Variants in TRAF6 observed in about 807,000 individuals in gnomAD.
TRAF6 encodes the protein TNF receptor-associated factor 6.
In TRAF6, 10 loss-of-function variants were observed where a neutral mutation model predicts 48.4. The observed-to-expected ratio is 0.21, with a 90% CI of 0.13 to 0.35. The LOEUF is 0.35. Among genes scored for constraint, TRAF6 ranks in the 10% least tolerant of loss-of-function variants. The probability of loss-of-function intolerance (pLI) is 1.00; values close to 1 mark genes in which losing one functional copy is unlikely to be tolerated. For synonymous variants in TRAF6, 186 were observed against 219.6 expected, an observed-to-expected ratio of 0.85 and a Z score of 1.35; for missense variants, 397 against 661.0, an observed-to-expected ratio of 0.60 and a Z score of 4.38.
chr11:36,490,143 G>T lies in TRAF6; in HGVS notation c.1264C>A (p.Leu422Ile), dbSNP rs1413660417. 6.2e-7 allele frequency: 1 copy of T among 1,614,066 alleles called. No homozygotes were observed. The highest frequency in any genetic ancestry group is 1.3e-5 in the African/African-American group (1 of 74,920). ...ATTGTACCCTGGAAGGGCCAAGGGAGGTGGCTGTCATATTCTCCTTGCATT... is the reference window on the plus strand; with the variant it reads ...ATTGTACCCTGGAAGGGCCAAGGGATGTGGCTGTCATATTCTCCTTGCATT... ...HTMQGEYDSHLPWPFQGTIRL... is the reference protein window; with the variant it reads ...HTMQGEYDSHIPWPFQGTIRL... Residue 422 changes from leucine (L) to isoleucine (I), a missense_variant, in exon 7 of 7, where the codon CTC (leucine) becomes ATC (isoleucine). Leu to Ile is a conservative substitution (Grantham distance 5). This residue lies in a region of TRAF6 where 74 missense variants were observed against 198.9 expected (regional missense o/e 0.37). Coordinates refer to ENST00000526995, the MANE Select transcript of TRAF6 (RefSeq NM_004620.4). This position sits in a 1 kb window ranked among gnomAD's most constrained non-coding sequence, Gnocchi z 6.4.
intron 5 of TRAF6, among the ~76,000 whole-genome samples, chr11:36,493,086 ATCT>A (rs1233283672): frequency 1.3e-5 from 2 of 152,118 alleles, no homozygotes; most frequent in Non-Finnish European, 2.9e-5. Context: ...CCTTTCAACA[ATCT>A]TCTTAACTTT....
intron 1 of TRAF6, among the ~76,000 whole-genome samples, chr11:36,503,912 AAAGC>A (rs534735359): frequency 2.0e-4 from 30 of 152,350 alleles, no homozygotes; most frequent in African/African-American, 6.3e-4. Flanking sequence ...ATACCATAAT[AAAGC>A]AAGTAATACA....
At chr11:36,495,405 T>C (rs1319098850) in intron 4 of TRAF6, among the ~76,000 whole-genome samples, 1 of 152,234 alleles carries the variant, frequency 6.6e-6, no homozygotes, top group Admixed American at 6.5e-5. Context: ...AGCAGCAGCA[T>C]GACAATTTAA....
In TRAF6 at chr11:36,501,381, G is replaced by C; in HGVS notation, c.135C>G (p.Leu45=). Residue 45 remains leucine, a synonymous_variant, in exon 2 of 7, where the codon CTC becomes CTG. Coordinates refer to ENST00000526995, the MANE Select transcript of TRAF6 (RefSeq NM_004620.4). ...SVGGTASTGN[L]SSSFMEEIQG... Reference sequence around the variant, plus strand: ...GGATCTCCTCCATAAATGAGCTGGAGAGGTTCCCCGTGCTGGCAGTTCCAC... The same window carrying C: ...GGATCTCCTCCATAAATGAGCTGGACAGGTTCCCCGTGCTGGCAGTTCCAC... The C allele has an allele frequency of 6.2e-7, 1 of 1,614,134 alleles. No individual in the cohort carries two copies. The highest frequency in any genetic ancestry group is 8.5e-7 in the Non-Finnish European group (1 of 1,180,030).
intron 2 of TRAF6, among the ~76,000 whole-genome samples, chr11:36,499,136 T>C (rs1385989222): frequency 2.6e-5 from 4 of 152,212 alleles, no homozygotes; most frequent in Non-Finnish European, 5.9e-5. Flanking sequence ...TACTCTGAAA[T>C]AGTCACTATA....
chr11:36,508,967 A>C (rs1311530305), intron 1 of TRAF6, among the ~76,000 whole-genome samples: 1 of 152,212 alleles, frequency 6.6e-6, no homozygotes, highest in Non-Finnish European at 1.5e-5. Context: ...TGCAGGCTGA[A>C]ACTCTGATGT....
intron 1 of TRAF6, among the ~76,000 whole-genome samples, chr11:36,508,525 T>G (rs1304231252): frequency 6.6e-6 from 1 of 151,890 alleles, no homozygotes; most frequent in Admixed American, 6.6e-5. Context: ...GCTAAGGAGG[T>G]ATGTGCCAAG....
chr11:36,504,748 AG>A (rs1859762768), intron 1 of TRAF6, among the ~76,000 whole-genome samples: 1 of 152,204 alleles, frequency 6.6e-6, no homozygotes, highest in Non-Finnish European at 1.5e-5. Flanking sequence ...TCTCTATGGC[AG>A]CTATAGCCTT....
intron 6 of TRAF6, 64 bp downstream of exon 6, chr11:36,492,487 C>T: frequency 4.8e-6 from 6 of 1,244,372 alleles, no homozygotes; most frequent in Non-Finnish European, 6.9e-6. Context: ...TGTTATTCTC[C>T]ACTACATGAT....
At chr11:36,492,371 TG>T (rs1859575380) in intron 6 of TRAF6, among the ~76,000 whole-genome samples, 179 bp downstream of exon 6, 2 of 152,242 alleles carry the variant, frequency 1.3e-5, no homozygotes, top group South Asian at 4.1e-4. Flanking sequence ...TCTGTCTGAA[TG>T]CTTTAGGCAT....
chr11:36,493,631 G>A (rs1442075989), intron 5 of TRAF6, among the ~76,000 whole-genome samples: 1 of 152,106 alleles, frequency 6.6e-6, no homozygotes, highest in African/African-American at 2.4e-5. Flanking sequence ...AAAGATGAGA[G>A]GGCACAGTTA....
At position 36,492,409 on chromosome 11, in the gene TRAF6, A is replaced by G. The variant is rs930558132; in HGVS notation, c.756+142T>C. On this transcript the variant is annotated intron_variant, in intron 6 of 6. Coordinates refer to ENST00000526995, the MANE Select transcript of TRAF6 (RefSeq NM_004620.4). ...GCTAAGTATGCCTTTGCTTCTGCTC[A>G]CAGCATCCATGAATAACTCTATTAT... The G allele has an allele frequency of 4.5e-5, 32 of 705,822 alleles. No homozygotes were observed. The East Asian group carries it at 8.6e-4, about 19-fold the overall frequency. 43.7% of individuals were successfully genotyped at this position (705,822 alleles called of 1,614,324 possible).
In TRAF6 at chr11:36,490,952, G is replaced by T. The variant is rs1332147344; in HGVS notation, c.757-302C>A. Among the ~76,000 whole-genome samples, 1 of 152,098 alleles carries T rather than the reference G, an allele frequency of 6.6e-6. No homozygotes were observed. The highest frequency in any genetic ancestry group is 1.9e-4 in the East Asian group (1 of 5,194). On this transcript the variant is annotated intron_variant, in intron 6 of 6. Coordinates refer to ENST00000526995, the MANE Select transcript of TRAF6 (RefSeq NM_004620.4). The surrounding 1 kb of genome is among the most constrained non-coding windows in gnomAD (Gnocchi z 6.4). ...TAACTGAGATGCCTGTCCTCTCCAA[G>T]ATTAACATTCTACCTGTGCTCTAAA...
rs1720897864 is a variant in TRAF6, at chr11:36,489,321, G to C, written c.*517C>G. ...GAACTTAAGTTTTCCAAGGATTATGGTTCAAATCCTCTGAAATCTATAACA... is the reference window on the plus strand; with the variant it reads ...GAACTTAAGTTTTCCAAGGATTATGCTTCAAATCCTCTGAAATCTATAACA... On this transcript the variant is annotated 3_prime_UTR_variant, in exon 7 of 7. Coordinates refer to ENST00000526995, the MANE Select transcript of TRAF6 (RefSeq NM_004620.4). The C allele has an allele frequency of 6.5e-6, 1 of 153,930 alleles. No homozygotes were observed. The highest frequency in any genetic ancestry group is 6.4e-5 in the Admixed American group (1 of 15,562). 9.5% of individuals were successfully genotyped at this position (153,930 alleles called of 1,614,324 possible).
At position 36,489,882 on chromosome 11, in the gene TRAF6, G is replaced by A; in HGVS notation, c.1525C>T (p.Arg509Trp). 5 of 1,614,102 alleles carry A rather than the reference G, an allele frequency of 3.1e-6. No individual in the cohort carries two copies. Among genetic ancestry groups the A allele is most frequent in the South Asian group, 2.2e-5 (2 of 91,078 alleles). The part of the protein sequence containing the change: ...VSTRFDMGSL[R>W]REGFQPRSTD... ...CTTCGTGGCTGAAAACCCTCCCTCC[G>A]AAGGCTACCCATGTCAAAGCGGGTG... Residue 509 changes from arginine to tryptophan, a missense_variant, in exon 7 of 7, where the codon CGG becomes TGG. By Grantham distance (101) the Arg-to-Trp change is moderately radical (BLOSUM62 -3). This residue lies in a region of TRAF6 where 74 missense variants were observed against 198.9 expected (regional missense o/e 0.37). Coordinates refer to ENST00000526995, the MANE Select transcript of TRAF6 (RefSeq NM_004620.4).
chr11:36,490,673 AGGCT>A lies in TRAF6; in HGVS notation c.757-27_757-24del, dbSNP rs1302804340. On this transcript the variant is annotated intron_variant, in intron 6 of 6. Transcript: ENST00000526995. This position sits in a 1 kb window ranked among gnomAD's most constrained non-coding sequence, Gnocchi z 6.4. Reference sequence around the variant, plus strand: ...CATCTAAAAATCAAGCACAAGCCTTAGGCTGGGAATAGATACCGTGAGGAGTAGG... The same window carrying A: ...CATCTAAAAATCAAGCACAAGCCTTAGGGAATAGATACCGTGAGGAGTAGG... The A allele has an allele frequency of 6.3e-7, 1 of 1,592,768 alleles. No homozygotes were observed. The highest frequency in any genetic ancestry group is 8.6e-7 in the Non-Finnish European group (1 of 1,167,294).
At chr11:36,495,805 T>A (rs1859623076) in intron 4 of TRAF6, among the ~76,000 whole-genome samples, 1 of 152,022 alleles carries the variant, frequency 6.6e-6, no homozygotes, top group Non-Finnish European at 1.5e-5. Flanking sequence ...GGCAGGAGAA[T>A]CGCTTGAACC....
chr11:36,493,800 A>G, intron 5 of TRAF6, among the ~76,000 whole-genome samples: 1 of 152,230 alleles, frequency 6.6e-6, no homozygotes, highest in East Asian at 1.9e-4. Flanking sequence ...TTCATAAGCA[A>G]AAGATGTTTA....
rs1486952547 is a variant in TRAF6 at position 36,497,280 on chromosome 11, A to C, written c.448-14T>G. The C allele has an allele frequency of 6.2e-7, 1 of 1,604,116 alleles. No homozygotes were observed. Among genetic ancestry groups the C allele is most frequent in the East Asian group, 2.2e-5 (1 of 44,780 alleles). On this transcript the variant is annotated splice_polypyrimidine_tract_variant and intron_variant, in intron 3 of 6. Coordinates refer to ENST00000526995, the MANE Select transcript of TRAF6 (RefSeq NM_004620.4). ...TGCTTGATGATCCTATAATTAAAAA[A>C]ATAATGGATTAGCATTAGCCAACTC... is the stretch of plus-strand genomic sequence containing the variant.
Sources: gnomAD v4.1 joint callset for allele counts (sites outside exome capture counted in the v4.1 genomes callset) on GRCh38, gnomAD v4.1.1 for gene constraint, gnomAD v4.1.1 regional missense constraint, Gnocchi (gnomAD v3.1) non-coding constraint, MANE v1.5 for transcripts, NCBI Gene and HGNC (gene_info 2026-07-23, HGNC 2026-07-21) for gene names.